Variants in CCBE1 observed in about 807,000 individuals in gnomAD.
CCBE1 encodes collagen and calcium-binding EGF domain-containing protein 1.
CCBE1 carries 37 observed loss-of-function variants against 50.0 expected under a neutral mutation model. The observed-to-expected ratio is 0.74, with a 90% confidence interval of 0.57 to 0.97. CCBE1 has a LOEUF of 0.97. Among genes scored for constraint, CCBE1 ranks in the 50% least tolerant of loss-of-function variants. The pLI is 0.00. For missense variants in CCBE1, 538 were observed against 523.8 expected (o/e 1.03, Z -0.26); for synonymous variants, 234 against 203.7 (o/e 1.15, Z -1.27).
At chr18:59,488,740 T>C (rs72962131) in intron 2 of CCBE1, among the ~76,000 whole-genome samples, 6 of 152,276 alleles carry the variant, frequency 3.9e-5, no homozygotes, top group South Asian at 2.1e-4. Context: ...TAAAATGGGA[T>C]AGTAACACTA....
chr18:59,481,632 G>C (rs1912575757), intron 2 of CCBE1, among the ~76,000 whole-genome samples: 1 of 152,142 alleles, frequency 6.6e-6, no homozygotes, highest in African/African-American at 2.4e-5. Context: ...CCTCTCATCA[G>C]AAAACCACAG....
At chr18:59,680,711 A>AAAAAC (rs540169724) in intron 2 of CCBE1, among the ~76,000 whole-genome samples, 41 of 152,224 alleles carry the variant, frequency 2.7e-4, no homozygotes, top group Admixed American at 4.6e-4. Flanking sequence ...AAAAAAAAGA[A>AAAAAC]AAAACAAAAC....
At position 59,648,194 on chromosome 18, in the gene CCBE1, A is replaced by G. The variant is rs1180910094; in HGVS notation, c.212+48435T>C. On this transcript the variant is annotated intron_variant, in intron 2 of 10. Coordinates refer to ENST00000439986, the MANE Select transcript of CCBE1 (RefSeq NM_133459.4). ...AGAGCAAGTTAGAAGCCTACTCAGT[A>G]AGTGTGAGGCAGCTGGAGCATAAAC... 2.0e-5 allele frequency among the ~76,000 whole-genome samples: 3 copies of G among 152,260 alleles called. No homozygotes were observed. In the East Asian group the frequency reaches 5.8e-4, roughly 29 times the overall value.
chr18:59,609,037 T>C (rs2053537568), intron 2 of CCBE1, among the ~76,000 whole-genome samples: 1 of 152,242 alleles, frequency 6.6e-6, no homozygotes, highest in Non-Finnish European at 1.5e-5. Flanking sequence ...ATGTGACTTG[T>C]CATATGTGCA....
chr18:59,663,178 A>G (rs1252633681), intron 2 of CCBE1, among the ~76,000 whole-genome samples: 1 of 152,348 alleles, frequency 6.6e-6, no homozygotes, highest in Non-Finnish European at 1.5e-5. Flanking sequence ...AGAGAAGAAG[A>G]TCCTAATGGG....
chr18:59,593,337 T>TC (rs1316200029), intron 2 of CCBE1, among the ~76,000 whole-genome samples: 2 of 152,360 alleles, frequency 1.3e-5, no homozygotes, highest in African/African-American at 4.8e-5. Context: ...TATAATACAT[T>TC]CCTTCCATTA....
At chr18:59,527,383 A>G (rs977744506) in intron 2 of CCBE1, among the ~76,000 whole-genome samples, 16 of 152,096 alleles carry the variant, frequency 1.1e-4, no homozygotes, top group African/African-American at 1.4e-4. Context: ...TTGAGCCTAC[A>G]TGTGTCTTTG....
intron 2 of CCBE1, among the ~76,000 whole-genome samples, chr18:59,678,668 GA>G (rs773361103): frequency 0.042 from 6,456 of 152,200 alleles, 321 homozygotes; most frequent in African/African-American, 0.11. Flanking sequence ...GAGTAACAGG[GA>G]TTACAGGTGC....
intron 2 of CCBE1, among the ~76,000 whole-genome samples, chr18:59,494,858 T>C (rs930046922): frequency 6.6e-6 from 1 of 152,116 alleles, no homozygotes. Flanking sequence ...AATGGATAAA[T>C]GCACCCAGGG....
intron 2 of CCBE1, among the ~76,000 whole-genome samples, chr18:59,671,548 A>G (rs2054431309): frequency 6.6e-6 from 1 of 151,946 alleles, no homozygotes; most frequent in Non-Finnish European, 1.5e-5. Flanking sequence ...CTTCTTCTTC[A>G]GTCACTGACA....
chr18:59,488,640 T>TCC (rs1159679181), intron 2 of CCBE1, among the ~76,000 whole-genome samples: 2 of 152,096 alleles, frequency 1.3e-5, no homozygotes, highest in Admixed American at 6.5e-5. Context: ...GGGAATGTAC[T>TCC]CCCCAGGTGA....
At chr18:59,577,438 G>C (rs915599884) in intron 2 of CCBE1, among the ~76,000 whole-genome samples, 3 of 152,202 alleles carry the variant, frequency 2.0e-5, no homozygotes, top group Non-Finnish European at 4.4e-5. Context: ...GCCCCTGATT[G>C]ATGGCACTTC....
intron 2 of CCBE1, among the ~76,000 whole-genome samples, chr18:59,650,734 T>G (rs2054116339): frequency 6.6e-6 from 1 of 151,468 alleles, no homozygotes; most frequent in African/African-American, 2.4e-5. Context: ...CATCATGAAT[T>G]TCTCCACTCT....
chr18:59,444,443 G>A (rs1045932274), intron 7 of CCBE1, among the ~76,000 whole-genome samples: 20 of 151,666 alleles, frequency 1.3e-4, no homozygotes, highest in African/African-American at 4.8e-4. Context: ...TTTCCACAGT[G>A]ACTGAACCAT....
chr18:59,442,256 G>A (rs887285280), intron 7 of CCBE1, among the ~76,000 whole-genome samples: 3 of 151,978 alleles, frequency 2.0e-5, no homozygotes, highest in Non-Finnish European at 2.9e-5. Flanking sequence ...AGTTAAACTC[G>A]GTATAGTCTC....
intron 2 of CCBE1, among the ~76,000 whole-genome samples, chr18:59,501,417 AC>A (rs1292062429): frequency 6.6e-6 from 1 of 152,176 alleles, no homozygotes; most frequent in African/African-American, 2.4e-5. Context: ...GGGGCAGTTA[AC>A]AAAACTGAGT....
At chr18:59,665,500 G>A (rs1265579693) in intron 2 of CCBE1, among the ~76,000 whole-genome samples, 2 of 152,162 alleles carry the variant, frequency 1.3e-5, no homozygotes, top group African/African-American at 2.4e-5. Flanking sequence ...TCAGAAAGTA[G>A]GGGTACACCA....
intron 2 of CCBE1, among the ~76,000 whole-genome samples, chr18:59,514,199 G>A (rs796818237): frequency 2.6e-5 from 4 of 152,158 alleles, no homozygotes; most frequent in African/African-American, 9.6e-5. Flanking sequence ...AAACAGTTAC[G>A]GATCCCATAT....
intron 2 of CCBE1, among the ~76,000 whole-genome samples, chr18:59,539,115 G>A (rs1209004644): frequency 1.3e-5 from 2 of 151,946 alleles, no homozygotes; most frequent in African/African-American, 4.8e-5. Context: ...GGTCAAGGGT[G>A]CATGGACCTA....
Sources: allele counts gnomAD v4.1 joint callset (sites outside exome capture counted in the v4.1 genomes callset), GRCh38; gene constraint gnomAD v4.1.1; transcripts MANE v1.5; gene names NCBI Gene and HGNC (gene_info 2026-07-23, HGNC 2026-07-21).